ARFIP1: variants seen among roughly 807,000 people sequenced by gnomAD.
ARFIP1 encodes arfaptin-1.
Under a neutral mutation model 42.5 loss-of-function variants are expected in ARFIP1, and 24 were observed. The observed-to-expected ratio is 0.57, with a 90% CI of 0.41 to 0.80. The LOEUF is 0.80. Ranked by LOEUF, ARFIP1 falls within the 30% of genes least tolerant of loss-of-function variation. The pLI, the probability that ARFIP1 is intolerant of heterozygous loss-of-function variation, is 0.00. For missense variants in ARFIP1, 354 were observed against 434.0 expected, an observed-to-expected ratio of 0.82 and a Z score of 1.64; for synonymous variants, 141 against 153.7, an observed-to-expected ratio of 0.92 and a Z score of 0.61.
At position 152,792,070 on chromosome 4, in the gene ARFIP1, T is replaced by G. The variant is rs1578805107; in HGVS notation, c.-10+11844T>G. On this transcript the variant is annotated intron_variant, in intron 1 of 8. Coordinates refer to ENST00000353617, the MANE Select transcript of ARFIP1 (RefSeq NM_001025595.3). Reference sequence around the variant, plus strand: ...GAAATAGAGCCACTTAAAAAAATCTTTAGAATAATAACTGATCTCTGGAAT... The same window carrying G: ...GAAATAGAGCCACTTAAAAAAATCTGTAGAATAATAACTGATCTCTGGAAT... 2.0e-5 allele frequency among the ~76,000 whole-genome samples: 3 copies of G among 152,246 alleles called. No individual in the cohort carries two copies. In the East Asian group the frequency reaches 5.8e-4, roughly 29 times the overall value.
chr4:152,863,618 T>A lies in ARFIP1; in HGVS notation c.106T>A (p.Ser36Thr), dbSNP rs1275386036. 2.5e-6 allele frequency: 4 copies of A among 1,594,490 alleles called. No individual in the cohort carries two copies. The highest frequency in any genetic ancestry group is 1.7e-6 in the Non-Finnish European group (2 of 1,163,132). ...EHSFNRDLKH[S>T]LPSGLGLSET... ...AAATCTTGCTAAGGATTTGAAGCAT[T>A]CATTACCATCTGGACTTGGTCTCTC... The change falls in exon 3 of 9, where the codon TCA becomes ACA. Residue 36 changes from serine to threonine, a missense_variant. By Grantham distance (58) the Ser-to-Thr change is moderately conservative (BLOSUM62 1). Transcript: ENST00000353617.
intron 2 of ARFIP1, among the ~76,000 whole-genome samples, chr4:152,832,641 A>T (rs912881527): frequency 6.6e-6 from 1 of 152,174 alleles, no homozygotes; most frequent in African/African-American, 2.4e-5. Context: ...CGCATTTAAG[A>T]AATCTTTGCC....
intron 8 of ARFIP1, among the ~76,000 whole-genome samples, chr4:152,909,053 G>A (rs1047187000): frequency 3.3e-5 from 5 of 152,024 alleles, no homozygotes; most frequent in Admixed American, 6.6e-5. Flanking sequence ...TATTGGATGG[G>A]AATCAGAATT....
chr4:152,908,577 T>C (rs1240778152), intron 8 of ARFIP1, among the ~76,000 whole-genome samples: 1 of 151,854 alleles, frequency 6.6e-6, no homozygotes, highest in Admixed American at 6.6e-5. Flanking sequence ...GCCACTGCAC[T>C]CCAGCCTGGC....
chr4:152,819,758 G>A (rs528377728), intron 1 of ARFIP1, among the ~76,000 whole-genome samples: 1 of 152,298 alleles, frequency 6.6e-6, no homozygotes, highest in Admixed American at 6.5e-5. Context: ...GGTAGACAAA[G>A]TGCAGCTCTA....
chr4:152,816,464 G>T (rs991440990), intron 1 of ARFIP1, among the ~76,000 whole-genome samples: 1 of 152,134 alleles, frequency 6.6e-6, no homozygotes, highest in African/African-American at 2.4e-5. Context: ...CTGCAGTGTT[G>T]TAGCTGTCTT....
At chr4:152,886,909 A>G (rs1736309930) in intron 7 of ARFIP1, among the ~76,000 whole-genome samples, 1 of 152,018 alleles carries the variant, frequency 6.6e-6, no homozygotes, top group Non-Finnish European at 1.5e-5. Context: ...TCATACTGCT[A>G]AATTCAGTAT....
chr4:152,783,279 C>T (rs1169477823), intron 1 of ARFIP1, among the ~76,000 whole-genome samples: 6 of 152,180 alleles, frequency 3.9e-5, no homozygotes, highest in Admixed American at 2.0e-4. Context: ...CACTTCACTC[C>T]AGCCTGGCCA....
chr4:152,902,827 G>A lies in ARFIP1; in HGVS notation c.967-7237G>A, dbSNP rs1656319913. ...TCTTTGTCTCTCTCTGAAAGCCAGC[G>A]AGCGGTATTTGAGAAACCAGAATCT... On this transcript the variant is annotated intron_variant, in intron 8 of 8. Coordinates refer to ENST00000353617, the MANE Select transcript of ARFIP1 (RefSeq NM_001025595.3). 2.6e-5 allele frequency among the ~76,000 whole-genome samples: 4 copies of A among 152,092 alleles called. No homozygotes were observed. The South Asian group carries it at 8.3e-4, about 32-fold the overall frequency.
At chr4:152,793,514 G>C (rs956488646) in intron 1 of ARFIP1, among the ~76,000 whole-genome samples, 1 of 151,838 alleles carries the variant, frequency 6.6e-6, no homozygotes, top group African/African-American at 2.4e-5. Flanking sequence ...TGAAACTGTG[G>C]ATAGTCCCAA....
At position 152,807,845 on chromosome 4, in the gene ARFIP1, C is replaced by T. The variant is rs535614044; in HGVS notation, c.-9-21780C>T. 9.3e-4 allele frequency among the ~76,000 whole-genome samples: 141 copies of T among 152,152 alleles called. 1 individual carries two copies. Among genetic ancestry groups the T allele is most frequent in the African/African-American group, 2.5e-3 (104 of 41,514 alleles). ...TTTTGCTTACCCACGGTCATGACTC[C>T]GTACTATTCCACCCCAAGATAACCA... On this transcript the variant is annotated intron_variant, in intron 1 of 8. Coordinates refer to ENST00000353617, the MANE Select transcript of ARFIP1 (RefSeq NM_001025595.3).
At chr4:152,870,184 G>A (rs1038241205) in intron 3 of ARFIP1, among the ~76,000 whole-genome samples, 6 of 152,266 alleles carry the variant, frequency 3.9e-5, no homozygotes, top group African/African-American at 1.4e-4. Context: ...AATTGAAGAA[G>A]GTCCTCTATG....
intron 1 of ARFIP1, among the ~76,000 whole-genome samples, chr4:152,819,092 A>G (rs1730144981): frequency 6.6e-6 from 1 of 152,096 alleles, no homozygotes; most frequent in South Asian, 2.1e-4. Flanking sequence ...GGCCCTGCCC[A>G]TTACCTGAGG....
intron 1 of ARFIP1, among the ~76,000 whole-genome samples, chr4:152,797,598 T>G (rs2149820705): frequency 6.6e-6 from 1 of 152,366 alleles, no homozygotes; most frequent in East Asian, 1.9e-4. Context: ...TATCTTTCTC[T>G]TTGCTCAAGT....
intron 1 of ARFIP1, chr4:152,796,468 A>G (rs547741929): frequency 1.1e-5 from 8 of 733,604 alleles, no homozygotes; most frequent in Non-Finnish European, 1.5e-5. Context: ...CCCTGGGCAC[A>G]TACTTTAGGC....
At chr4:152,855,480 A>G (rs71620228) in intron 2 of ARFIP1, among the ~76,000 whole-genome samples, 20,931 of 152,166 alleles carry the variant, frequency 0.14, 1,525 homozygotes, top group African/African-American at 0.18. Flanking sequence ...GATAGAGAAC[A>G]TCTATGCCCC....
intron 2 of ARFIP1, among the ~76,000 whole-genome samples, chr4:152,843,301 G>A (rs1732248686): frequency 6.6e-6 from 1 of 152,158 alleles, no homozygotes; most frequent in Admixed American, 6.5e-5. Context: ...ATGGATTCCA[G>A]CACCTATTCC....
At chr4:152,846,292 C>G (rs997180477) in intron 2 of ARFIP1, among the ~76,000 whole-genome samples, 2 of 152,136 alleles carry the variant, frequency 1.3e-5, no homozygotes, top group African/African-American at 4.8e-5. Flanking sequence ...GTACCCCAAA[C>G]CTCAGCATAA....
At chr4:152,790,943 G>A (rs1048376165) in intron 1 of ARFIP1, among the ~76,000 whole-genome samples, 2 of 151,066 alleles carry the variant, frequency 1.3e-5, no homozygotes, top group Admixed American at 1.3e-4. Flanking sequence ...TTGCCAGGTT[G>A]CCCAGGCTGA....
Sources: allele counts gnomAD v4.1 joint callset (sites outside exome capture counted in the v4.1 genomes callset), GRCh38; gene constraint gnomAD v4.1.1; transcripts MANE v1.5; gene names NCBI Gene and HGNC (gene_info 2026-07-23, HGNC 2026-07-21).